DPP6: variants seen among roughly 807,000 people sequenced by gnomAD.
The protein encoded by DPP6 is dipeptidyl peptidase like 6, also known as A-type potassium channel modulatory protein DPP6.
A neutral mutation model predicts 122.6 loss-of-function variants in DPP6; 69 were observed. The observed-to-expected ratio is 0.56, with a 90% confidence interval of 0.46 to 0.69. The LOEUF (loss-of-function observed/expected upper bound fraction) is 0.69. DPP6 is among the 30% of genes least tolerant of loss of function. DPP6 has a pLI of 0.00. For synonymous variants in DPP6, 418 were observed against 433.1 expected (o/e 0.97, Z 0.43); for missense variants, 928 against 1,116.9 (o/e 0.83, Z 2.41).
intron 1 of DPP6, among the ~76,000 whole-genome samples, chr7:154,153,209 A>G (rs1796510640): frequency 6.6e-6 from 1 of 152,184 alleles, no homozygotes; most frequent in Non-Finnish European, 1.5e-5. Flanking sequence ...TTTTATTTTA[A>G]GATGGAGTTT....
In DPP6 at chr7:154,494,717, A is replaced by T. The variant is rs1824575891; in HGVS notation, c.457+19680A>T. Among the ~76,000 whole-genome samples, 6 of 152,254 alleles carry T rather than the reference A, an allele frequency of 3.9e-5. No individual in the cohort carries two copies. The South Asian group carries it at 1.2e-3, about 32-fold the overall frequency. On this transcript the variant is annotated intron_variant, in intron 3 of 25. Transcript: ENST00000377770. ...CAAGAGAAAAGACGCTGAGTACTTT[A>T]TCCAAGTTTCACATCAGGCCCAGTG...
chr7:154,144,008 A>G (rs1795971396), intron 1 of DPP6, among the ~76,000 whole-genome samples: 1 of 151,484 alleles, frequency 6.6e-6, no homozygotes, highest in Non-Finnish European at 1.5e-5. Flanking sequence ...ATATCAGTTT[A>G]TATTCTCACC....
chr7:153,763,593 A>C, the DPP6 span, among the ~76,000 whole-genome samples: 1 of 152,082 alleles, frequency 6.6e-6, no homozygotes, highest in Non-Finnish European at 1.5e-5. Flanking sequence ...CTTTGGGGAG[A>C]AGAATGGAAG....
At chr7:154,086,357 C>G (rs1804423337) in intron 1 of DPP6, among the ~76,000 whole-genome samples, 1 of 147,254 alleles carries the variant, frequency 6.8e-6, no homozygotes, top group Admixed American at 6.9e-5. Flanking sequence ...TGTGTTTTTC[C>G]TTGGCTTTCA....
chr7:154,573,833 C>G (rs2130588658), intron 5 of DPP6, among the ~76,000 whole-genome samples: 1 of 152,312 alleles, frequency 6.6e-6, no homozygotes, highest in African/African-American at 2.4e-5. Context: ...CCTGTGTAAG[C>G]AGTGTAAGAT....
chr7:153,943,849 G>A (rs1266427202), intron 1 of DPP6, among the ~76,000 whole-genome samples: 3 of 141,714 alleles, frequency 2.1e-5, no homozygotes, highest in East Asian at 2.1e-4. Context: ...TCTATGCCCC[G>A]AGTCTGAGTG....
intron 1 of DPP6, among the ~76,000 whole-genome samples, chr7:154,360,063 C>A (rs1266603082): frequency 1.3e-5 from 2 of 152,216 alleles, no homozygotes; most frequent in East Asian, 3.9e-4. Flanking sequence ...TAGACACTTT[C>A]TAGCTCATTT....
At chr7:153,783,506 G>A in the DPP6 span, among the ~76,000 whole-genome samples, 1 of 152,200 alleles carries the variant, frequency 6.6e-6, no homozygotes, top group South Asian at 2.1e-4. Context: ...TTTGGGTGGG[G>A]ACAGAGCCAA....
rs1806685032 is a variant in DPP6 at position 154,892,327 on chromosome 7, C to T, written c.2452-7C>T. 6.2e-7 allele frequency: 1 copy of T among 1,613,932 alleles called. No homozygotes were observed. The highest frequency in any genetic ancestry group is 1.3e-5 in the African/African-American group (1 of 74,948). On this transcript the variant is annotated splice_region_variant and splice_polypyrimidine_tract_variant and intron_variant, in intron 25 of 25. Coordinates refer to ENST00000377770, the MANE Select transcript of DPP6 (RefSeq NM_130797.4). The stretch of plus-strand genomic sequence containing the variant: ...GGGAGAGTAATTTCTCCGTGCCTTC[C>T]TTGCAGATTTACCCGGACGAAAGCC...
intron 8 of DPP6, among the ~76,000 whole-genome samples, chr7:154,751,199 A>T (rs1843364083): frequency 6.6e-6 from 1 of 151,948 alleles, no homozygotes; most frequent in Non-Finnish European, 1.5e-5. Flanking sequence ...TTTAAAGGAG[A>T]TGTGGGTGTC....
At chr7:154,186,953 T>C (rs1798381263) in intron 1 of DPP6, among the ~76,000 whole-genome samples, 1 of 152,236 alleles carries the variant, frequency 6.6e-6, no homozygotes, top group South Asian at 2.1e-4. Context: ...AGCTGAAGGC[T>C]GACTGGGCTT....
rs1466155780 is a variant in DPP6 at position 154,282,584 on chromosome 7, C to T, written c.244-163630C>T. ...AAGGGGATGGGATGCAGCCCAGGGC[C>T]TCCCTGCCCATGGCATTTTCTCAGG... is the stretch of plus-strand genomic sequence containing the variant. On this transcript the variant is annotated intron_variant, in intron 1 of 25. Coordinates refer to ENST00000377770, the MANE Select transcript of DPP6 (RefSeq NM_130797.4). The surrounding 1 kb of genome is among the most constrained non-coding windows in gnomAD (Gnocchi z 4.8). Among the ~76,000 whole-genome samples, 4 of 152,174 alleles carry T rather than the reference C, an allele frequency of 2.6e-5. No homozygotes were observed. Among genetic ancestry groups the T allele is most frequent in the Non-Finnish European group, 4.4e-5 (3 of 68,032 alleles).
At chr7:154,747,260 G>C (rs957163861) in intron 8 of DPP6, among the ~76,000 whole-genome samples, 1 of 152,192 alleles carries the variant, frequency 6.6e-6, no homozygotes, top group Non-Finnish European at 1.5e-5. Context: ...TTCCAATGCT[G>C]TCTGCCTTGT....
intron 1 of DPP6, among the ~76,000 whole-genome samples, chr7:154,328,647 G>T (rs1003855034): frequency 6.6e-6 from 1 of 152,164 alleles, no homozygotes; most frequent in Admixed American, 6.5e-5. Context: ...GAGACTTAGT[G>T]ATCATTAAAT....
chr7:154,062,321 AGG>A (rs1802099339), intron 1 of DPP6, among the ~76,000 whole-genome samples: 1 of 64,204 alleles, frequency 1.6e-5, no homozygotes, highest in African/African-American at 6.6e-5. Context: ...CCCCCATCGC[AGG>A]AGGGGGAGGC....
At chr7:154,372,750 A>G (rs927197910) in intron 1 of DPP6, among the ~76,000 whole-genome samples, 1 of 152,196 alleles carries the variant, frequency 6.6e-6, no homozygotes, top group African/African-American at 2.4e-5. Flanking sequence ...AACAGTTGAT[A>G]GTTTGCCAGT....
the DPP6 span, among the ~76,000 whole-genome samples, chr7:153,877,668 A>G: frequency 6.6e-6 from 1 of 152,218 alleles, no homozygotes; most frequent in African/African-American, 2.4e-5. Context: ...ACGTATGACC[A>G]ATCTTATTAA....
At chr7:154,114,358 G>C (rs2150591620) in intron 1 of DPP6, among the ~76,000 whole-genome samples, 1 of 152,198 alleles carries the variant, frequency 6.6e-6, no homozygotes, top group East Asian at 1.9e-4. Context: ...TGCAAAAGGG[G>C]AATAGCAGTG....
intron 1 of DPP6, among the ~76,000 whole-genome samples, chr7:154,394,561 T>A (rs1262969713): frequency 6.6e-6 from 1 of 152,170 alleles, no homozygotes; most frequent in Non-Finnish European, 1.5e-5. Flanking sequence ...ATTAATATTG[T>A]CTTTTATGCA....
Sources: gnomAD v4.1 joint callset for allele counts (sites outside exome capture counted in the v4.1 genomes callset) on GRCh38, gnomAD v4.1.1 for gene constraint, Gnocchi (gnomAD v3.1) non-coding constraint, MANE v1.5 for transcripts, NCBI Gene and HGNC (gene_info 2026-07-23, HGNC 2026-07-21) for gene names.